Variants in RET observed in about 807,000 individuals in gnomAD.
RET encodes the protein proto-oncogene tyrosine-protein kinase receptor Ret.
A neutral mutation model predicts 118.3 loss-of-function variants in RET; 19 were observed. That is an observed-to-expected ratio of 0.16 (90% CI 0.11 to 0.24). The LOEUF (loss-of-function observed/expected upper bound fraction) is 0.24. Ranked by LOEUF, RET falls within the 10% of genes least tolerant of loss-of-function variation. RET has a pLI of 1.00. For missense variants in RET, 1,219 were observed against 1,502.1 expected (o/e 0.81, Z 3.12); for synonymous variants, 597 against 644.1 (o/e 0.93, Z 1.11).
At chr10:43,077,989 G>T (rs1341288435) in intron 1 of RET, among the ~76,000 whole-genome samples, 1 of 152,230 alleles carries the variant, frequency 6.6e-6, no homozygotes, top group Non-Finnish European at 1.5e-5. Context: ...GTGTGGCGCT[G>T]CCTGGCAGAG....
chr10:43,081,931 C>T (rs1490741631), intron 1 of RET, among the ~76,000 whole-genome samples: 1 of 152,194 alleles, frequency 6.6e-6, no homozygotes, highest in Non-Finnish European at 1.5e-5. Flanking sequence ...CTTGGCAGCC[C>T]CTGAGGTCCT....
At chr10:43,110,319 C>T (rs1024419734) in intron 6 of RET, among the ~76,000 whole-genome samples, 1 of 152,176 alleles carries the variant, frequency 6.6e-6, no homozygotes, top group African/African-American at 2.4e-5. Flanking sequence ...GGACAGGAAC[C>T]CTGAACAATT....
At chr10:43,125,073 C>A in intron 18 of RET, 91 bp downstream of exon 18, 1 of 1,168,734 alleles carries the variant, frequency 8.6e-7, no homozygotes, top group Non-Finnish European at 1.3e-6. Flanking sequence ...CCTCAGAGTT[C>A]CCAGTGTGGG....
At chr10:43,101,589 G>A (rs971308076) in intron 2 of RET, among the ~76,000 whole-genome samples, 10 of 152,226 alleles carry the variant, frequency 6.6e-5, no homozygotes, top group African/African-American at 2.4e-4. Context: ...CCTCCAGGGT[G>A]GAGCTTGAGG....
chr10:43,103,945 C>T (rs1372189577), intron 3 of RET, among the ~76,000 whole-genome samples: 2 of 152,218 alleles, frequency 1.3e-5, no homozygotes. Flanking sequence ...AGCATGCCCC[C>T]TTTTCTGGAT....
At chr10:43,125,130 A>G in intron 18 of RET, 148 bp downstream of exon 18, 1 of 793,236 alleles carries the variant, frequency 1.3e-6, no homozygotes, top group South Asian at 1.5e-5. Flanking sequence ...TCTCCCCTGC[A>G]TGCAGACAGC....
chr10:43,097,556 G>A (rs1284693816), intron 1 of RET, among the ~76,000 whole-genome samples: 1 of 152,164 alleles, frequency 6.6e-6, no homozygotes, highest in Non-Finnish European at 1.5e-5. Context: ...GCTCATCGGG[G>A]CCAGGGCATC....
At chr10:43,107,559 T>TCACAGACA (rs1163495336) in intron 5 of RET, among the ~76,000 whole-genome samples, 21 of 140,822 alleles carry the variant, frequency 1.5e-4, no homozygotes, top group African/African-American at 5.0e-4. Context: ...CCCCCATGCC[T>TCACAGACA]CACACACACA....
intron 1 of RET, among the ~76,000 whole-genome samples, chr10:43,084,377 C>T (rs996586123): frequency 2.0e-5 from 3 of 152,240 alleles, no homozygotes; most frequent in African/African-American, 7.2e-5. Context: ...CTCTGTTATT[C>T]TCTGGTTCAT....
intron 1 of RET, among the ~76,000 whole-genome samples, chr10:43,090,448 C>T (rs1016057573): frequency 3.3e-5 from 5 of 152,058 alleles, no homozygotes; most frequent in African/African-American, 4.8e-5. Context: ...CGCTTCTGGG[C>T]GCTGCCTCCT....
At chr10:43,102,717 T>C in intron 3 of RET, 88 bp downstream of exon 3, 1 of 1,496,068 alleles carries the variant, frequency 6.7e-7, no homozygotes, top group Non-Finnish European at 9.2e-7. Flanking sequence ...ATCTGGTTTA[T>C]TCTTCACCTT....
intron 14 of RET, 67 bp downstream of exon 14, chr10:43,119,812 G>T: frequency 1.3e-6 from 2 of 1,517,542 alleles, no homozygotes; most frequent in East Asian, 4.7e-5. Context: ...CCACGCCCCT[G>T]CCACCCACAC....
intron 1 of RET, among the ~76,000 whole-genome samples, chr10:43,091,369 C>G (rs527900918): frequency 6.6e-6 from 1 of 152,066 alleles, no homozygotes; most frequent in East Asian, 1.9e-4. Flanking sequence ...TGGCTCACTC[C>G]TGTAATCCTA....
chr10:43,088,093 A>C (rs1837329146), intron 1 of RET, among the ~76,000 whole-genome samples: 1 of 146,916 alleles, frequency 6.8e-6, no homozygotes, highest in Non-Finnish European at 1.5e-5. Flanking sequence ...CGTGATAGGG[A>C]TATTGATGGT....
intron 1 of RET, among the ~76,000 whole-genome samples, chr10:43,087,036 G>C (rs570569057): frequency 1.3e-5 from 2 of 152,256 alleles, no homozygotes; most frequent in Middle Eastern, 3.2e-3. Flanking sequence ...TCATGTCCTG[G>C]TTGCAGTTCT....
At chr10:43,116,852 A>G (rs1838084696) in intron 12 of RET, 121 bp downstream of exon 12, 2 of 1,283,944 alleles carry the variant, frequency 1.6e-6, no homozygotes, top group Non-Finnish European at 2.2e-6. Context: ...GAGCGGCTGC[A>G]GTTGGGGGAC....
In RET at chr10:43,118,359, G is replaced by A. The variant is rs1376600330; in HGVS notation, c.2285-14G>A. The A allele has an allele frequency of 6.2e-7, 1 of 1,607,708 alleles. No homozygotes were observed. The highest frequency in any genetic ancestry group is 8.5e-7 in the Non-Finnish European group (1 of 1,174,416). The stretch of plus-strand genomic sequence containing the variant: ...GGAGCGATCGTTTGCAACCTGCTCT[G>A]TGCTGCATTTCAGAGAACGCCTCCC... On this transcript the variant is annotated splice_polypyrimidine_tract_variant and intron_variant, in intron 12 of 19. Coordinates refer to ENST00000355710, the MANE Select transcript of RET (RefSeq NM_020975.6).
chr10:43,106,120 TCTC>T lies in RET; in HGVS notation c.868-253_868-251del, dbSNP rs1204436398. Among the ~76,000 whole-genome samples, 1 of 152,126 alleles carries T rather than the reference TCTC, an allele frequency of 6.6e-6. No individual in the cohort carries two copies. Among genetic ancestry groups the T allele is most frequent in the African/African-American group, 2.4e-5 (1 of 41,414 alleles). ...AGGGTGCCTGGGCATCGGCTGTAAT[TCTC>T]CTTATAAGAGGTCTGCATTGTACCT... On this transcript the variant is annotated intron_variant, in intron 4 of 19. Coordinates refer to ENST00000355710, the MANE Select transcript of RET (RefSeq NM_020975.6). The surrounding 1 kb of genome is among the most constrained non-coding windows in gnomAD (Gnocchi z 5.1).
Position 43,128,304 on chromosome 10 carries a change from G to A in RET, c.*35G>A. On this transcript the variant is annotated 3_prime_UTR_variant, in exon 20 of 20. Coordinates refer to ENST00000355710, the MANE Select transcript of RET (RefSeq NM_020975.6). ...GTGAAAGGTAATGGACTCACAAGGG[G>A]AAGAAACATGCTGAGAATGGAAAGT... 6.2e-7 allele frequency: 1 copy of A among 1,610,812 alleles called. No homozygotes were observed.
Sources: allele counts gnomAD v4.1 joint callset (sites outside exome capture counted in the v4.1 genomes callset), GRCh38; gene constraint gnomAD v4.1.1; non-coding constraint Gnocchi (gnomAD v3.1); transcripts MANE v1.5; gene names NCBI Gene and HGNC (gene_info 2026-07-23, HGNC 2026-07-21).